The following CASZ1 variants were observed in gnomAD, a reference collection of about 807,000 sequenced individuals.
CASZ1 encodes the protein castor zinc finger 1.
A neutral mutation model predicts 135.2 loss-of-function variants in CASZ1; 28 were observed. The ratio of observed to expected loss-of-function variants is 0.21; its 90% CI spans 0.15 to 0.28. The LOEUF (loss-of-function observed/expected upper bound fraction) is 0.28, where lower values mean the gene tolerates loss of function less well. Among genes scored for constraint, CASZ1 ranks in the 10% least tolerant of loss-of-function variants. CASZ1 has a pLI of 1.00. For synonymous variants in CASZ1, 1,068 were observed against 1,073.4 expected (o/e 0.99, Z 0.10); for missense variants, 2,161 against 2,453.3 (o/e 0.88, Z 2.52).
At chr1:10,671,758 A>G (rs1475858948) in intron 4 of CASZ1, among the ~76,000 whole-genome samples, 2 of 152,220 alleles carry the variant, frequency 1.3e-5, no homozygotes, top group Admixed American at 1.3e-4. Context: ...CTTACTCGCT[A>G]TGCCCGAGGC....
chr1:10,649,222 G>C, intron 14 of CASZ1, 30 bp from the exon 15 acceptor site: 1 of 1,610,812 alleles, frequency 6.2e-7, no homozygotes, highest in East Asian at 2.2e-5. Context: ...TTAGAGGAGA[G>C]CCTGGGGCTC....
chr1:10,651,923 C>T (rs899209633), intron 11 of CASZ1: 3 of 152,340 alleles, frequency 2.0e-5, no homozygotes, highest in Admixed American at 1.3e-4. Flanking sequence ...GTCTGGCCAC[C>T]GAGCCCACGT....
rs1639043631 is a variant in CASZ1, at chr1:10,700,695, A to G, written c.-24+4797T>C. 2.0e-5 allele frequency among the ~76,000 whole-genome samples: 3 copies of G among 152,086 alleles called. No individual in the cohort carries two copies. Among genetic ancestry groups the G allele is most frequent in the Admixed American group, 6.5e-5 (1 of 15,274 alleles). ...CCCTGAACCCAGGCACTGACCCTCTACCTTCCCAGCATCTTCAGGAAATCA... is the reference window on the plus strand; with the variant it reads ...CCCTGAACCCAGGCACTGACCCTCTGCCTTCCCAGCATCTTCAGGAAATCA... On this transcript the variant is annotated intron_variant, in intron 3 of 20. Coordinates refer to ENST00000377022, the MANE Select transcript of CASZ1 (RefSeq NM_001079843.3). The surrounding 1 kb of genome is among the most constrained non-coding windows in gnomAD (Gnocchi z 4.2).
chr1:10,667,050 T>C (rs1003884377), intron 4 of CASZ1, among the ~76,000 whole-genome samples: 1 of 152,204 alleles, frequency 6.6e-6, no homozygotes, highest in African/African-American at 2.4e-5. Context: ...CCCGGCTCCA[T>C]GGTCAGAAGG....
At chr1:10,655,942 G>A (rs1642775758) in intron 8 of CASZ1, 129 bp from the exon 9 acceptor site, 1 of 880,392 alleles carries the variant, frequency 1.1e-6, no homozygotes, top group Non-Finnish European at 1.8e-6. Context: ...TTGGGGTCAA[G>A]GCAGCCCAGA....
chr1:10,691,435 C>T (rs1638764875), intron 4 of CASZ1, among the ~76,000 whole-genome samples: 1 of 152,168 alleles, frequency 6.6e-6, no homozygotes, highest in Admixed American at 6.5e-5. Context: ...TGGCTGAAGG[C>T]CTTCAGGACC....
At position 10,738,661 on chromosome 1, in the gene CASZ1, G is replaced by A. The variant is rs533056572; in HGVS notation, c.-77+22040C>T. On this transcript the variant is annotated intron_variant, in intron 2 of 20. Coordinates refer to ENST00000377022, the MANE Select transcript of CASZ1 (RefSeq NM_001079843.3). Reference sequence around the variant, plus strand: ...CGACCCAACTGGCCCTTTGCAGGGAGGACACAAAGGTGGGGCTGAAGGTGA... The same window carrying A: ...CGACCCAACTGGCCCTTTGCAGGGAAGACACAAAGGTGGGGCTGAAGGTGA... Among the ~76,000 whole-genome samples, 4 of 152,354 alleles carry A rather than the reference G, an allele frequency of 2.6e-5. No individual in the cohort carries two copies. The South Asian group carries it at 8.3e-4, about 32-fold the overall frequency.
chr1:10,660,123 C>T lies in CASZ1; in HGVS notation c.919G>A (p.Ala307Thr), dbSNP rs145776572. 130 of 1,614,014 alleles carry T rather than the reference C, an allele frequency of 8.1e-5. No homozygotes were observed. Among genetic ancestry groups the T allele is most frequent in the Non-Finnish European group, 1.0e-4 (122 of 1,180,016 alleles). Residue 307 changes from alanine (A) to threonine (T), a missense_variant, in exon 6 of 21, where the codon GCC becomes ACC. Ala to Thr is a moderately conservative substitution (Grantham distance 58, BLOSUM62 0). This residue lies in a region of CASZ1 where 590 missense variants were observed against 609.8 expected (regional missense o/e 0.97). Coordinates refer to ENST00000377022, the MANE Select transcript of CASZ1 (RefSeq NM_001079843.3). Reference sequence around the variant, plus strand: ...AAGAAGTCGTACTTGGAGGCCCGGGCTACCAGGTTCTGCATCTGGACACTG... The same window carrying T: ...AAGAAGTCGTACTTGGAGGCCCGGGTTACCAGGTTCTGCATCTGGACACTG... ...HSSVQMQNLV[A>T]RASKYDFFIQ...
chr1:10,746,406 A>G (rs1439151769), intron 2 of CASZ1, among the ~76,000 whole-genome samples: 1 of 152,228 alleles, frequency 6.6e-6, no homozygotes, highest in African/African-American at 2.4e-5. Flanking sequence ...CAGGCTGTAA[A>G]CGGCTCCAAG....
At chr1:10,746,815 C>A (rs578154313) in intron 2 of CASZ1, among the ~76,000 whole-genome samples, 2 of 152,344 alleles carry the variant, frequency 1.3e-5, no homozygotes, top group South Asian at 2.1e-4. Context: ...TCTGGAGTGG[C>A]CTTTGACCCA....
At chr1:10,740,960 C>CAAAAAAAA (rs374464130) in intron 2 of CASZ1, among the ~76,000 whole-genome samples, 20,464 of 60,806 alleles carry the variant, frequency 0.34, 3,049 homozygotes, top group East Asian at 0.67. Context: ...CCTGTCTGGA[C>CAAAAAAAA]AAAAAAAAAA....
At chr1:10,695,180 G>C (rs370978569) in intron 3 of CASZ1, among the ~76,000 whole-genome samples, 2 of 151,074 alleles carry the variant, frequency 1.3e-5, no homozygotes, top group African/African-American at 2.4e-5. Context: ...CGCGGGGCGA[G>C]GCGGGGCAGG....
At position 10,733,993 on chromosome 1, in the gene CASZ1, T is replaced by C. The variant is rs191357722; in HGVS notation, c.-77+26708A>G. ...TTAATAACTAGCGAAAGTGCTAGTCTCACCCCTAACAGGTCCACCTGGCCA... is the reference window on the plus strand; with the variant it reads ...TTAATAACTAGCGAAAGTGCTAGTCCCACCCCTAACAGGTCCACCTGGCCA... On this transcript the variant is annotated intron_variant, in intron 2 of 20. Coordinates refer to ENST00000377022, the MANE Select transcript of CASZ1 (RefSeq NM_001079843.3). Among the ~76,000 whole-genome samples, 15 of 152,288 alleles carry C rather than the reference T, an allele frequency of 9.8e-5. 1 individual carries two copies. The East Asian group carries it at 2.9e-3, about 29-fold the overall frequency.
Position 10,767,960 on chromosome 1 carries a change from C to T in CASZ1, c.-233-7103G>A, listed in dbSNP as rs1035302955. On this transcript the variant is annotated intron_variant, in intron 1 of 20. Coordinates refer to ENST00000377022, the MANE Select transcript of CASZ1 (RefSeq NM_001079843.3). This position sits in a 1 kb window ranked among gnomAD's most constrained non-coding sequence, Gnocchi z 4.2. ...ATTGCAAGGTCTTCCTGGAGCAGAC[C>T]CCAGACCTGGGACCCCAGACTCCAC... Among the ~76,000 whole-genome samples, 5 of 152,224 alleles carry T rather than the reference C, an allele frequency of 3.3e-5. No individual in the cohort carries two copies. Among genetic ancestry groups the T allele is most frequent in the African/African-American group, 1.2e-4 (5 of 41,512 alleles).
chr1:10,703,177 C>A (rs1639100221), intron 3 of CASZ1, among the ~76,000 whole-genome samples: 2 of 152,184 alleles, frequency 1.3e-5, no homozygotes, highest in South Asian at 4.1e-4. Flanking sequence ...TGCAGCAGAC[C>A]TCTGGCCGCG....
In CASZ1 at chr1:10,747,690, C is replaced by T. The variant is rs951983303; in HGVS notation, c.-77+13011G>A. ...GCAGGGTCGACCACACTGAAGACCCCCACTCTGCTCTCTTGTGGGTCACTG... is the reference window on the plus strand; with the variant it reads ...GCAGGGTCGACCACACTGAAGACCCTCACTCTGCTCTCTTGTGGGTCACTG... On this transcript the variant is annotated intron_variant, in intron 2 of 20. Coordinates refer to ENST00000377022, the MANE Select transcript of CASZ1 (RefSeq NM_001079843.3). The surrounding 1 kb of genome is among the most constrained non-coding windows in gnomAD (Gnocchi z 4.3). Among the ~76,000 whole-genome samples, 2 of 152,152 alleles carry T rather than the reference C, an allele frequency of 1.3e-5. No homozygotes were observed. The highest frequency in any genetic ancestry group is 4.1e-4 in the South Asian group (2 of 4,824).
At chr1:10,734,320 A>G (rs907121928) in intron 2 of CASZ1, among the ~76,000 whole-genome samples, 4 of 146,742 alleles carry the variant, frequency 2.7e-5, no homozygotes, top group Non-Finnish European at 6.1e-5. Flanking sequence ...CCTCCCTTGG[A>G]AAAAAAAAAA....
In CASZ1 at chr1:10,717,643, T is replaced by C. The variant is rs1413551179; in HGVS notation, c.-76-12099A>G. On this transcript the variant is annotated intron_variant, in intron 2 of 20. Transcript: ENST00000377022. This position sits in a 1 kb window ranked among gnomAD's most constrained non-coding sequence, Gnocchi z 4.6. ...ACACCAAATACGGCTCCTGAGGACA[T>C]GGATGGGGGGCAGGGGGCAGGGGAC... is the stretch of plus-strand genomic sequence containing the variant. Among the ~76,000 whole-genome samples the C allele has an allele frequency of 6.6e-6, 1 of 151,894 alleles. No homozygotes were observed. Among genetic ancestry groups the C allele is most frequent in the African/African-American group, 2.4e-5 (1 of 41,330 alleles).
At chr1:10,775,175 C>CA (rs1640641095) in intron 1 of CASZ1, among the ~76,000 whole-genome samples, 1 of 152,156 alleles carries the variant, frequency 6.6e-6, no homozygotes, top group Admixed American at 6.5e-5. Flanking sequence ...GCCAGGCCCC[C>CA]AGTGCATCGC....
Sources: allele counts gnomAD v4.1 joint callset (sites outside exome capture counted in the v4.1 genomes callset), GRCh38; gene constraint gnomAD v4.1.1; regional missense constraint gnomAD v4.1.1; non-coding constraint Gnocchi (gnomAD v3.1); transcripts MANE v1.5; gene names NCBI Gene and HGNC (gene_info 2026-07-23, HGNC 2026-07-21).